SCN8A: variants seen among roughly 807,000 people sequenced by gnomAD.
SCN8A encodes sodium channel protein type 8 subunit alpha.
SCN8A carries 30 observed loss-of-function variants against 184.1 expected under a neutral mutation model. The ratio of observed to expected loss-of-function variants is 0.16; its 90% CI spans 0.12 to 0.22. The LOEUF is 0.22. Ranked by LOEUF, SCN8A falls within the 10% of genes least tolerant of loss-of-function variation. The pLI is 1.00. For missense variants in SCN8A, 1,057 were observed against 2,498.9 expected, an observed-to-expected ratio of 0.42 and a Z score of 12.30; for synonymous variants, 852 against 907.0, an observed-to-expected ratio of 0.94 and a Z score of 1.09.
chr12:51,635,004 T>A (rs1940284841), intron 1 of SCN8A, among the ~76,000 whole-genome samples: 1 of 152,184 alleles, frequency 6.6e-6, no homozygotes, highest in Non-Finnish European at 1.5e-5. Flanking sequence ...TAAAATCATG[T>A]GATGACAAAT....
chr12:51,618,478 C>T (rs879360122), intron 1 of SCN8A, among the ~76,000 whole-genome samples: 2 of 149,620 alleles, frequency 1.3e-5, no homozygotes, highest in Admixed American at 6.7e-5. Context: ...CACACACACA[C>T]ACACACACAC....
At chr12:51,790,150 A>G (rs909423076) in intron 24 of SCN8A, among the ~76,000 whole-genome samples, 2 of 152,222 alleles carry the variant, frequency 1.3e-5, no homozygotes, top group Non-Finnish European at 2.9e-5. Context: ...CTGAGGGTCT[A>G]TAATTGGATA....
Position 51,806,944 on chromosome 12 carries a change from C to A in SCN8A, c.5458C>A (p.Arg1820=), listed in dbSNP as rs747526439. 1.1e-5 allele frequency: 18 copies of A among 1,613,566 alleles called. No individual in the cohort carries two copies. The highest frequency in any genetic ancestry group is 1.5e-5 in the Non-Finnish European group (18 of 1,179,634). ...DFADALEHPL[R]VPKPNTIELI... is the part of the protein sequence containing the mutation. The stretch of plus-strand genomic sequence containing the variant: ...TGCAGATGCCTTGGAGCATCCTCTC[C>A]GAGTGCCCAAGCCCAATACCATTGA... The change falls in exon 27 of 27, where the codon CGA becomes AGA. Residue 1820 remains arginine (R), a synonymous_variant. Coordinates refer to ENST00000627620, the MANE Select transcript of SCN8A (RefSeq NM_001330260.2). This position sits in a 1 kb window ranked among gnomAD's most constrained non-coding sequence, Gnocchi z 8.7.
At chr12:51,780,285 C>G (rs1263475446) in intron 20 of SCN8A, 1 of 453,032 alleles carries the variant, frequency 2.2e-6, no homozygotes, top group Non-Finnish European at 4.4e-6. Context: ...AGGCTCTTGT[C>G]GTCTGTTCAG....
At chr12:51,751,276 A>G in intron 13 of SCN8A, 79 bp from the exon 14 acceptor site, 1 of 903,532 alleles carries the variant, frequency 1.1e-6, no homozygotes, top group Non-Finnish European at 1.8e-6. Context: ...TAACAGTGAT[A>G]ATGACTGAGA....
chr12:51,699,223 G>A lies in SCN8A; in HGVS notation c.707-347G>A, dbSNP rs1941643343. ...GATAATATAGCAGGGAGCATTCCAG[G>A]CAGAGGGAACAGCAGGTATGAAGGC... On this transcript the variant is annotated intron_variant, in intron 6 of 26. Coordinates refer to ENST00000627620, the MANE Select transcript of SCN8A (RefSeq NM_001330260.2). Among the ~76,000 whole-genome samples, 4 of 152,198 alleles carry A rather than the reference G, an allele frequency of 2.6e-5. No individual in the cohort carries two copies. The South Asian group carries it at 8.3e-4, about 32-fold the overall frequency.
At chr12:51,701,230 T>G in intron 8 of SCN8A, 23 bp downstream of exon 8, 2 of 1,500,694 alleles carry the variant, frequency 1.3e-6, no homozygotes, top group Non-Finnish European at 1.8e-6. Flanking sequence ...CCTAGTTTTA[T>G]TCTCTTTCCT....
chr12:51,744,879 AC>A (rs1343179513), intron 12 of SCN8A, among the ~76,000 whole-genome samples: 1 of 152,114 alleles, frequency 6.6e-6, no homozygotes, highest in African/African-American at 2.4e-5. Flanking sequence ...TCATTCTCTT[AC>A]TGATCAGACA....
chr12:51,592,452 A>G (rs1939249386), intron 1 of SCN8A, among the ~76,000 whole-genome samples: 1 of 152,038 alleles, frequency 6.6e-6, no homozygotes, highest in African/African-American at 2.4e-5. Flanking sequence ...ACTCCACCCT[A>G]TGCCCTCTTC....
At chr12:51,608,064 A>C (rs1939636518) in intron 1 of SCN8A, among the ~76,000 whole-genome samples, 1 of 135,922 alleles carries the variant, frequency 7.4e-6, no homozygotes, top group African/African-American at 2.8e-5. Context: ...TCTGTCGCCC[A>C]GGCTGGAGTG....
At chr12:51,612,179 T>C (rs920676526) in intron 1 of SCN8A, among the ~76,000 whole-genome samples, 6 of 152,188 alleles carry the variant, frequency 3.9e-5, no homozygotes, top group Non-Finnish European at 7.4e-5. Flanking sequence ...GTTTTGTTTT[T>C]GAGACAAGGT....
intron 1 of SCN8A, among the ~76,000 whole-genome samples, chr12:51,618,433 A>G (rs954748308): frequency 7.5e-5 from 11 of 147,350 alleles, no homozygotes; most frequent in Admixed American, 6.8e-4. Flanking sequence ...GCCTTTTTTG[A>G]GTCCAGGCCA....
intron 12 of SCN8A, among the ~76,000 whole-genome samples, chr12:51,741,280 C>G (rs559695637): frequency 2.6e-5 from 4 of 152,290 alleles, no homozygotes; most frequent in Admixed American, 2.0e-4. Flanking sequence ...ATAGCTACTA[C>G]TTCTGCTCTT....
At chr12:51,666,238 C>A (rs1489700763) in intron 2 of SCN8A, among the ~76,000 whole-genome samples, 1 of 152,186 alleles carries the variant, frequency 6.6e-6, no homozygotes, top group Non-Finnish European at 1.5e-5. Flanking sequence ...CACCTTCTCG[C>A]CCTTGAAGAT....
intron 13 of SCN8A, 75 bp downstream of exon 13, chr12:51,746,110 C>A (rs754912939): frequency 2.2e-6 from 3 of 1,381,146 alleles, no homozygotes; most frequent in Non-Finnish European, 1.9e-6. Flanking sequence ...AATCCCTGTC[C>A]CTTGGTCTGA....
intron 20 of SCN8A, chr12:51,780,160 C>G: frequency 2.2e-6 from 1 of 450,532 alleles, no homozygotes; most frequent in Non-Finnish European, 4.5e-6. Flanking sequence ...GAGGGGGCAG[C>G]TTGTGTGGAG....
intron 6 of SCN8A, among the ~76,000 whole-genome samples, chr12:51,699,232 A>G (rs1941643498): frequency 2.0e-5 from 3 of 152,204 alleles, no homozygotes; most frequent in Admixed American, 2.0e-4. Flanking sequence ...GGCAGAGGGA[A>G]CAGCAGGTAT....
At chr12:51,689,860 A>C (rs1941478748) in intron 6 of SCN8A, 1 of 152,202 alleles carries the variant, frequency 6.6e-6, no homozygotes. Context: ...AGGTGAGTTG[A>C]GAGTTAGTTG....
intron 2 of SCN8A, among the ~76,000 whole-genome samples, chr12:51,670,110 C>T (rs552031229): frequency 1.3e-5 from 2 of 152,150 alleles, no homozygotes; most frequent in Non-Finnish European, 2.9e-5. Flanking sequence ...GAGATAAATG[C>T]TTTGAGACAC....
Sources: allele counts gnomAD v4.1 joint callset (sites outside exome capture counted in the v4.1 genomes callset), GRCh38; gene constraint gnomAD v4.1.1; non-coding constraint Gnocchi (gnomAD v3.1); transcripts MANE v1.5; gene names NCBI Gene and HGNC (gene_info 2026-07-23, HGNC 2026-07-21).